The following KDM4B variants were observed in gnomAD, a reference collection of about 807,000 sequenced individuals.
The protein encoded by KDM4B is lysine-specific demethylase 4B.
Under a neutral mutation model 125.2 loss-of-function variants are expected in KDM4B, and 32 were observed. The ratio of observed to expected loss-of-function variants is 0.26; its 90% CI spans 0.19 to 0.34. KDM4B has a LOEUF of 0.34. Among genes scored for constraint, KDM4B ranks in the 10% least tolerant of loss-of-function variants. The pLI is 1.00. For synonymous variants in KDM4B, 721 were observed against 677.9 expected (o/e 1.06, Z -0.99); for missense variants, 1,190 against 1,577.7 (o/e 0.75, Z 4.16).
intron 1 of KDM4B, among the ~76,000 whole-genome samples, chr19:5,008,596 T>C (rs999785170): frequency 1.3e-5 from 2 of 149,002 alleles, no homozygotes; most frequent in African/African-American, 2.5e-5. Flanking sequence ...TTTTTCTTTT[T>C]TTTTTTTTTT....
intron 5 of KDM4B, among the ~76,000 whole-genome samples, chr19:5,046,220 T>A (rs528915704): frequency 6.6e-6 from 1 of 152,334 alleles, no homozygotes; most frequent in South Asian, 2.1e-4. Flanking sequence ...AGGGGAAGCT[T>A]CAGGGCTTCC....
At chr19:5,057,920 GA>G (rs1436288794) in intron 6 of KDM4B, among the ~76,000 whole-genome samples, 6 of 152,248 alleles carry the variant, frequency 3.9e-5, no homozygotes, top group Non-Finnish European at 8.8e-5. Flanking sequence ...GGGATGCGGG[GA>G]CCGAGGCCAG....
chr19:5,001,229 G>T (rs555696968), intron 1 of KDM4B, among the ~76,000 whole-genome samples: 1 of 152,054 alleles, frequency 6.6e-6, no homozygotes, highest in South Asian at 2.1e-4. Context: ...AGAAATACAG[G>T]GTCTTGCTAT....
At chr19:5,000,275 G>A (rs1316486934) in intron 1 of KDM4B, among the ~76,000 whole-genome samples, 1 of 127,428 alleles carries the variant, frequency 7.8e-6, no homozygotes, top group African/African-American at 3.0e-5. Context: ...TCACATATCC[G>A]TCCATCCATC....
chr19:5,131,569 G>A (rs2039549229), intron 12 of KDM4B, 24 bp downstream of exon 12: 2 of 898,428 alleles, frequency 2.2e-6, no homozygotes, highest in Non-Finnish European at 3.3e-6. Flanking sequence ...GGGGAGGCAG[G>A]GAGGAGGGGG....
chr19:5,068,949 C>A (rs999570146), intron 6 of KDM4B, among the ~76,000 whole-genome samples: 61 of 152,356 alleles, frequency 4.0e-4, no homozygotes, highest in African/African-American at 1.3e-3. Flanking sequence ...TTAATCATCG[C>A]AGCCTTGGAG....
chr19:5,128,077 G>A (rs967236296), intron 11 of KDM4B, among the ~76,000 whole-genome samples: 3 of 151,792 alleles, frequency 2.0e-5, no homozygotes, highest in South Asian at 2.1e-4. Flanking sequence ...CCACAGCCCC[G>A]GCTGGAGTCT....
At chr19:5,015,982 T>G (rs2035881019) in intron 1 of KDM4B, among the ~76,000 whole-genome samples, 1 of 152,242 alleles carries the variant, frequency 6.6e-6, no homozygotes, top group East Asian at 1.9e-4. Context: ...TCCAGAAGCT[T>G]CTTTGGTTTC....
At chr19:5,107,526 C>T (rs1257831515) in intron 9 of KDM4B, among the ~76,000 whole-genome samples, 1 of 152,148 alleles carries the variant, frequency 6.6e-6, no homozygotes, top group Non-Finnish European at 1.5e-5. Flanking sequence ...AAATAGACAG[C>T]GAGGTCTGCC....
chr19:5,124,023 G>A (rs1271424387), intron 11 of KDM4B, among the ~76,000 whole-genome samples: 1 of 152,138 alleles, frequency 6.6e-6, no homozygotes, highest in Admixed American at 6.5e-5. Context: ...GGGTCCCTGG[G>A]GGTGGGGGGC....
At chr19:4,983,184 C>T (rs1479122032) in intron 1 of KDM4B, among the ~76,000 whole-genome samples, 1 of 144,380 alleles carries the variant, frequency 6.9e-6, no homozygotes, top group Non-Finnish European at 1.5e-5. Flanking sequence ...TGTGTATTTC[C>T]CCTGAGAGCT....
chr19:5,125,774 A>T (rs1599236592), intron 11 of KDM4B, among the ~76,000 whole-genome samples: 1 of 137,794 alleles, frequency 7.3e-6, no homozygotes, highest in Non-Finnish European at 1.6e-5. Flanking sequence ...GGTGCTGCCC[A>T]CCCCCCGCCC....
Position 5,119,848 on chromosome 19 carries a change from A to G in KDM4B, c.1311A>G (p.Ala437=), listed in dbSNP as rs1190484795. The part of the protein sequence containing the change: ...PLPHGREAEG[A]EEDGRGKLRP... Reference sequence around the variant, plus strand: ...CACACGGCCGGGAGGCCGAGGGCGCAGAAGGTCAGTCCCTGCCGGGCCAGG... The same window carrying G: ...CACACGGCCGGGAGGCCGAGGGCGCGGAAGGTCAGTCCCTGCCGGGCCAGG... The change falls in exon 11 of 23, where the codon GCA becomes GCG. Residue 437 remains alanine (A), a synonymous_variant. Coordinates refer to ENST00000159111, the MANE Select transcript of KDM4B (RefSeq NM_015015.3). The G allele has an allele frequency of 2.6e-6, 4 of 1,546,360 alleles. No individual in the cohort carries two copies. The African/African-American group carries it at 5.5e-5, about 21-fold the overall frequency.
At chr19:5,109,930 TG>T (rs1487863099) in intron 9 of KDM4B, among the ~76,000 whole-genome samples, 10 of 152,202 alleles carry the variant, frequency 6.6e-5, no homozygotes, top group African/African-American at 2.4e-4. Flanking sequence ...TTTACCTACC[TG>T]GGGGCACCCG....
chr19:5,139,451 C>T (rs1039413181), intron 18 of KDM4B, among the ~76,000 whole-genome samples: 2 of 152,190 alleles, frequency 1.3e-5, no homozygotes, highest in Non-Finnish European at 2.9e-5. Flanking sequence ...ACAGACCCAG[C>T]AGTGGGCTTG....
chr19:5,084,688 C>G (rs957111725), intron 9 of KDM4B, among the ~76,000 whole-genome samples: 1 of 149,906 alleles, frequency 6.7e-6, no homozygotes, highest in Non-Finnish European at 1.5e-5. Flanking sequence ...TGGCTTCACG[C>G]CTATAATCTC....
intron 5 of KDM4B, among the ~76,000 whole-genome samples, chr19:5,041,977 G>A (rs1383076277): frequency 2.0e-5 from 3 of 152,226 alleles, no homozygotes; most frequent in South Asian, 2.1e-4. Flanking sequence ...TTTATGACAC[G>A]GAGGATTCTG....
At chr19:4,983,775 T>G (rs1407496973) in intron 1 of KDM4B, among the ~76,000 whole-genome samples, 1 of 152,168 alleles carries the variant, frequency 6.6e-6, no homozygotes, top group Non-Finnish European at 1.5e-5. Flanking sequence ...CACAGGCGGC[T>G]TCAAAGGGCT....
intron 22 of KDM4B, among the ~76,000 whole-genome samples, chr19:5,150,743 C>T (rs115787514): frequency 0.013 from 1,962 of 152,312 alleles, 43 homozygotes; most frequent in African/African-American, 0.046. Context: ...CAGACCCTCC[C>T]AGCCCCCTGT....
Sources: gnomAD v4.1 joint callset for allele counts (sites outside exome capture counted in the v4.1 genomes callset) on GRCh38, gnomAD v4.1.1 for gene constraint, MANE v1.5 for transcripts, NCBI Gene and HGNC (gene_info 2026-07-23, HGNC 2026-07-21) for gene names.